SOAT2: variants seen among roughly 807,000 people sequenced by gnomAD.
The protein encoded by SOAT2 is ACAT-2.
SOAT2 carries 87 observed loss-of-function variants against 76.0 expected under a neutral mutation model. The ratio of observed to expected loss-of-function variants is 1.14; its 90% confidence interval spans 0.96 to 1.37. SOAT2 has a LOEUF of 1.37. Ranked by LOEUF, SOAT2 falls within the 40% of genes most tolerant of loss-of-function variation. The pLI, the probability that SOAT2 is intolerant of heterozygous loss-of-function variation, is 0.00. For missense variants in SOAT2, 686 were observed against 682.1 expected (o/e 1.01, Z -0.06); for synonymous variants, 285 against 275.4 (o/e 1.03, Z -0.34).
intron 5 of SOAT2, among the ~76,000 whole-genome samples, chr12:53,109,816 T>C (rs898402895): frequency 5.5e-5 from 8 of 144,478 alleles, no homozygotes; most frequent in African/African-American, 8.3e-5. Flanking sequence ...TAAAACCTTA[T>C]ACACATGGTT....
chr12:53,120,720 G>T (rs1938177570), intron 10 of SOAT2, 66 bp from the exon 11 acceptor site: 1 of 1,170,248 alleles, frequency 8.5e-7, no homozygotes, highest in African/African-American at 1.5e-5. Context: ...TCAGAACCCA[G>T]ATCAGGGCTG....
chr12:53,121,182 G>C (rs941377073), intron 11 of SOAT2, 121 bp from the exon 12 acceptor site: 1 of 744,650 alleles, frequency 1.3e-6, no homozygotes, highest in Admixed American at 2.1e-5. Context: ...TCCCTGTTCT[G>C]CCAGGAGCCA....
At chr12:53,108,902 C>A (rs1422525677) in intron 5 of SOAT2, among the ~76,000 whole-genome samples, 2 of 152,156 alleles carry the variant, frequency 1.3e-5, no homozygotes, top group African/African-American at 4.8e-5. Context: ...GTTAAAGACA[C>A]AATTGACAAG....
intron 1 of SOAT2, 34 bp downstream of exon 1, chr12:53,103,693 C>T: frequency 6.9e-7 from 1 of 1,459,542 alleles, no homozygotes; most frequent in Non-Finnish European, 9.1e-7. Flanking sequence ...AAGGCACAGG[C>T]AAGTGGGGGG....
rs139840522 is a variant in SOAT2, at chr12:53,105,642, T to A, written c.335+22T>A. Reference sequence around the variant, plus strand: ...TTGAGTAAGTCGGGGTGATGACAAGTAATGGGAGGAAAAGAAAGGGCTTTG... The same window carrying A: ...TTGAGTAAGTCGGGGTGATGACAAGAAATGGGAGGAAAAGAAAGGGCTTTG... On this transcript the variant is annotated intron_variant, in intron 4 of 14. Transcript: ENST00000301466. 1.4e-5 allele frequency: 22 copies of A among 1,600,328 alleles called. 1 individual carries two copies. The African/African-American group carries it at 2.5e-4, about 18-fold the overall frequency.
intron 12 of SOAT2, among the ~76,000 whole-genome samples, chr12:53,122,781 C>A (rs1002208808): frequency 3.3e-5 from 5 of 152,134 alleles, no homozygotes; most frequent in Non-Finnish European, 7.4e-5. Context: ...CTTTCCCCAC[C>A]TTTCCCCCCT....
chr12:53,105,680 G>T, intron 4 of SOAT2, 60 bp downstream of exon 4: 2 of 1,477,666 alleles, frequency 1.4e-6, no homozygotes, highest in South Asian at 2.3e-5. Flanking sequence ...TAGGGGTCAA[G>T]GTACCTCATT....
chr12:53,108,450 TA>T (rs34562978), intron 5 of SOAT2, among the ~76,000 whole-genome samples: 28,240 of 152,074 alleles, frequency 0.19, 3,305 homozygotes, highest in African/African-American at 0.34. Flanking sequence ...TGCAAATAAC[TA>T]ATATTGCAAA....
At position 53,120,692 on chromosome 12, in the gene SOAT2, T is replaced by C. The variant is rs982342937; in HGVS notation, c.1040-94T>C. On this transcript the variant is annotated intron_variant, in intron 10 of 14. Transcript: ENST00000301466. ...TGAATGGTAAGAGTTGGGGCCCTGG[T>C]TTCTGGGCAGGGGCTCCTCAGAACC... 7.4e-6 allele frequency: 6 copies of C among 813,754 alleles called. No individual in the cohort carries two copies. In the African/African-American group the frequency reaches 1.0e-4, roughly 14 times the overall value. The allele number at this position is 813,754 out of a possible 1,614,324, so 50.4% of individuals were successfully genotyped here.
rs180992964 is a variant in SOAT2 at position 53,110,104 on chromosome 12, A to G, written c.443+4090A>G. 1.8e-4 allele frequency among the ~76,000 whole-genome samples: 27 copies of G among 152,364 alleles called. 1 individual carries two copies. The East Asian group carries it at 3.3e-3, about 18-fold the overall frequency. On this transcript the variant is annotated intron_variant, in intron 5 of 14. Coordinates refer to ENST00000301466, the MANE Select transcript of SOAT2 (RefSeq NM_003578.4). ...AATCCTTTTACCTTTTAATCTAGGG[A>G]AAAATCCATTATTGTCATGCCTTCT...
Position 53,106,000 on chromosome 12 carries a change from C to A in SOAT2, c.429C>A (p.Phe143Leu). 6.2e-7 allele frequency: 1 copy of A among 1,613,268 alleles called. No homozygotes were observed. The highest frequency in any genetic ancestry group is 8.5e-7 in the Non-Finnish European group (1 of 1,179,306). Residue 143 changes from phenylalanine to leucine, a missense_variant, in exon 5 of 15, where the codon TTC becomes TTA. Physicochemically the swap from Phe to Leu is conservative, Grantham distance 22 (BLOSUM62 0). Coordinates refer to ENST00000301466, the MANE Select transcript of SOAT2 (RefSeq NM_003578.4). ...TCATCAGCACCCTGGCCATCGACTT[C>A]ATTGATGAGGGCAGGTAGGTCCCCT... Reference protein sequence around the residue: ...VFIISTLAIDFIDEGRLLLEF... With the variant: ...VFIISTLAIDLIDEGRLLLEF...
intron 5 of SOAT2, among the ~76,000 whole-genome samples, chr12:53,111,643 G>A (rs1938013804): frequency 6.6e-6 from 1 of 152,166 alleles, no homozygotes; most frequent in South Asian, 2.1e-4. Flanking sequence ...GCCAAATTTT[G>A]ACACCTTATA....
intron 5 of SOAT2, among the ~76,000 whole-genome samples, chr12:53,110,054 A>G (rs1169637534): frequency 1.3e-5 from 2 of 152,168 alleles, no homozygotes; most frequent in Non-Finnish European, 2.9e-5. Context: ...TTAAACCTCC[A>G]TCTTTATCTT....
chr12:53,106,120 G>A lies in SOAT2; in HGVS notation c.443+106G>A, dbSNP rs144225968. 1.3e-3 allele frequency: 923 copies of A among 714,578 alleles called. 4 individuals carry two copies. In the African/African-American group the frequency reaches 0.014, roughly 11 times the overall value. The allele number at this position is 714,578 out of a possible 1,614,324, so 44.3% of individuals were successfully genotyped here. A position where few individuals can be genotyped will look rare whatever the true frequency, so the allele number is the denominator to read the frequency against. ...GCAAGAGGACACAGGTTCCCCCTTT[G>A]GTTATTGGACATGTACCAACATTGC... On this transcript the variant is annotated intron_variant, in intron 5 of 14. Transcript: ENST00000301466.
Position 53,124,283 on chromosome 12 carries a change from G to C in SOAT2, c.*160G>C, listed in dbSNP as rs1460439697. On this transcript the variant is annotated 3_prime_UTR_variant, in exon 15 of 15. Transcript: ENST00000301466. ...GAATGTGCAAGGACTGAGATCTGCAGACTTGTGGGTAACTGATCACAGACC... is the reference window on the plus strand; with the variant it reads ...GAATGTGCAAGGACTGAGATCTGCACACTTGTGGGTAACTGATCACAGACC... 3 of 691,514 alleles carry C rather than the reference G, an allele frequency of 4.3e-6. No individual in the cohort carries two copies. Among genetic ancestry groups the C allele is most frequent in the Non-Finnish European group, 7.6e-6 (3 of 392,792 alleles). 42.8% of individuals were successfully genotyped at this position (691,514 alleles called of 1,614,324 possible). A position where few individuals can be genotyped will look rare whatever the true frequency, so the allele number is the denominator to read the frequency against.
chr12:53,115,475 A>C lies in SOAT2; in HGVS notation c.529A>C (p.Thr177Pro), dbSNP rs1169873041. 6 of 1,611,890 alleles carry C rather than the reference A, an allele frequency of 3.7e-6. No homozygotes were observed. The highest frequency in any genetic ancestry group is 5.1e-6 in the Non-Finnish European group (6 of 1,179,830). Residue 177 changes from threonine to proline, a missense_variant, in exon 6 of 15, where the codon ACC (threonine) becomes CCC (proline). Transcript: ENST00000301466. The part of the protein sequence containing the change: ...LVTWVPMFLS[T>P]LLAPYQALRL... Reference sequence around the variant, plus strand: ...GACCTGGGTGCCCATGTTTCTGTCCACCCTGTTGGCGCCGTACCAGGCCCT... The same window carrying C: ...GACCTGGGTGCCCATGTTTCTGTCCCCCCTGTTGGCGCCGTACCAGGCCCT...
intron 7 of SOAT2, among the ~76,000 whole-genome samples, chr12:53,117,655 T>C (rs1199520833): frequency 6.6e-6 from 1 of 151,752 alleles, no homozygotes; most frequent in African/African-American, 2.4e-5. Context: ...CTCATGGTGG[T>C]GGAGAGGGGA....
chr12:53,124,217 G>C lies in SOAT2; in HGVS notation c.*94G>C. ...GACTCCTGTCTGCATTCCCAAATTTGGCTCTGAGTCGAGGCAACCTGCACA... is the reference window on the plus strand; with the variant it reads ...GACTCCTGTCTGCATTCCCAAATTTCGCTCTGAGTCGAGGCAACCTGCACA... On this transcript the variant is annotated 3_prime_UTR_variant, in exon 15 of 15. Transcript: ENST00000301466. 7.0e-7 allele frequency: 1 copy of C among 1,420,302 alleles called. No homozygotes were observed. The allele number at this position is 1,420,302 out of a possible 1,614,324, so 88.0% of individuals were successfully genotyped here.
At chr12:53,121,210 G>C in intron 11 of SOAT2, 93 bp from the exon 12 acceptor site, 2 of 901,558 alleles carry the variant, frequency 2.2e-6, no homozygotes, top group South Asian at 1.4e-5. Context: ...TGGAACACTG[G>C]GATAGGGTGC....
Sources: gnomAD v4.1 joint callset for allele counts (sites outside exome capture counted in the v4.1 genomes callset) on GRCh38, gnomAD v4.1.1 for gene constraint, MANE v1.5 for transcripts, NCBI Gene and HGNC (gene_info 2026-07-23, HGNC 2026-07-21) for gene names.